KLHL29: variants seen among roughly 807,000 people sequenced by gnomAD.
KLHL29 encodes kelch like family member 29.
Under a neutral mutation model 80.4 loss-of-function variants are expected in KLHL29, and 21 were observed. The ratio of observed to expected loss-of-function variants is 0.26; its 90% CI spans 0.19 to 0.38. The LOEUF (loss-of-function observed/expected upper bound fraction) is 0.38, where lower values mean the gene tolerates loss of function less well. Among genes scored for constraint, KLHL29 ranks in the 10% least tolerant of loss-of-function variants. The pLI is 1.00. For missense variants in KLHL29, 867 were observed against 1,223.9 expected, an observed-to-expected ratio of 0.71 and a Z score of 4.35; for synonymous variants, 511 against 526.8, an observed-to-expected ratio of 0.97 and a Z score of 0.41.
At chr2:23,521,994 C>A (rs914525256) in intron 2 of KLHL29, among the ~76,000 whole-genome samples, 2 of 152,152 alleles carry the variant, frequency 1.3e-5, no homozygotes, top group African/African-American at 4.8e-5. Context: ...GTTAAACTTG[C>A]CATGGTCATT....
chr2:23,593,348 A>G (rs913560601), intron 3 of KLHL29, among the ~76,000 whole-genome samples: 4 of 152,130 alleles, frequency 2.6e-5, no homozygotes, highest in African/African-American at 9.7e-5. Flanking sequence ...GATTTTTCAC[A>G]TTCTTTTCTG....
intron 2 of KLHL29, among the ~76,000 whole-genome samples, chr2:23,533,023 G>A (rs1484950040): frequency 6.6e-6 from 1 of 152,304 alleles, no homozygotes; most frequent in African/African-American, 2.4e-5. Context: ...GGAGCAGAAG[G>A]TGCTGCCTGG....
chr2:23,472,590 C>A (rs980840270), intron 1 of KLHL29, among the ~76,000 whole-genome samples: 1 of 152,128 alleles, frequency 6.6e-6, no homozygotes, highest in East Asian at 1.9e-4. Flanking sequence ...GCCAAGATTG[C>A]GCCACTGCAC....
intron 2 of KLHL29, among the ~76,000 whole-genome samples, chr2:23,539,713 A>G (rs1709335): frequency 0.75 from 113,538 of 151,984 alleles, 43,201 homozygotes; most frequent in East Asian, 0.9. Flanking sequence ...AAGTGCTAGG[A>G]TTGTAGGCAT....
At chr2:23,479,568 TC>T (rs1259975546) in intron 2 of KLHL29, among the ~76,000 whole-genome samples, 1 of 152,116 alleles carries the variant, frequency 6.6e-6, no homozygotes, top group African/African-American at 2.4e-5. Flanking sequence ...TCCCTCTGCT[TC>T]AGCTGTTCCC....
chr2:23,439,573 G>A (rs1663450529), intron 1 of KLHL29, among the ~76,000 whole-genome samples: 1 of 152,090 alleles, frequency 6.6e-6, no homozygotes, highest in South Asian at 2.1e-4. Flanking sequence ...TATGTACCCA[G>A]TAGTCATTCA....
intron 3 of KLHL29, among the ~76,000 whole-genome samples, chr2:23,613,786 A>AAAAAAAAC: frequency 7.2e-6 from 1 of 138,800 alleles, no homozygotes; most frequent in Non-Finnish European, 1.6e-5. Context: ...AAAAAAAAAA[A>AAAAAAAAC]AAAACCCACC....
intron 2 of KLHL29, among the ~76,000 whole-genome samples, chr2:23,556,291 C>A (rs899952270): frequency 6.6e-6 from 1 of 152,048 alleles, no homozygotes; most frequent in Admixed American, 6.5e-5. Context: ...ACGAAGATGA[C>A]CCCCCTCGCG....
At position 23,615,968 on chromosome 2, in the gene KLHL29, G is replaced by A. The variant is rs772417085; in HGVS notation, c.286-23171G>A. ...TCTTTTGGGAATCAGGCTCACTGTG[G>A]CCTCTGGGCTTCCAGTTCTGGTGGC... On this transcript the variant is annotated intron_variant, in intron 3 of 13. Coordinates refer to ENST00000486442, the MANE Select transcript of KLHL29 (RefSeq NM_052920.2). Among the ~76,000 whole-genome samples the A allele has an allele frequency of 6.2e-4, 94 of 152,172 alleles. 1 individual carries two copies. Among genetic ancestry groups the A allele is most frequent in the Non-Finnish European group, 1.1e-3 (76 of 68,030 alleles).
At chr2:23,466,233 G>A (rs150768810) in intron 1 of KLHL29, among the ~76,000 whole-genome samples, 176 of 152,292 alleles carry the variant, frequency 1.2e-3, no homozygotes, top group African/African-American at 4.0e-3. Context: ...GGTAATCTTT[G>A]CCATGCAGGC....
intron 2 of KLHL29, among the ~76,000 whole-genome samples, chr2:23,482,634 C>T (rs1430562880): frequency 6.6e-6 from 1 of 152,236 alleles, no homozygotes; most frequent in East Asian, 1.9e-4. Context: ...GGGATGATCT[C>T]ATTTACTCAT....
chr2:23,591,692 C>A (rs990264501), intron 3 of KLHL29, among the ~76,000 whole-genome samples: 47 of 152,296 alleles, frequency 3.1e-4, no homozygotes, highest in Admixed American at 2.7e-3. Context: ...TAAAACCTCC[C>A]ATGGGTCTCC....
At chr2:23,517,271 G>A (rs112129438) in intron 2 of KLHL29, among the ~76,000 whole-genome samples, 1,679 of 152,338 alleles carry the variant, frequency 0.011, 28 homozygotes, top group African/African-American at 0.039. Context: ...TAGGCTGGGC[G>A]CGGTGGCTCA....
intron 8 of KLHL29, among the ~76,000 whole-genome samples, chr2:23,693,831 GC>G (rs1167693410): frequency 6.6e-6 from 1 of 152,214 alleles, no homozygotes; most frequent in Admixed American, 6.5e-5. Context: ...AGCTGGAGGA[GC>G]CCATACCTGC....
intron 3 of KLHL29, among the ~76,000 whole-genome samples, chr2:23,597,377 GTGTGTGTA>G (rs1239155700): frequency 8.3e-4 from 20 of 24,082 alleles, no homozygotes; most frequent in Admixed American, 1.4e-3. Context: ...ATATATGTGT[GTGTGTGTA>G]TATATATATA....
At chr2:23,703,092 C>T (rs530644234) in intron 11 of KLHL29, 94 bp from the exon 12 acceptor site, 19 of 895,486 alleles carry the variant, frequency 2.1e-5, no homozygotes, top group African/African-American at 1.1e-4. Context: ...ATGCTGAGGG[C>T]GAGGAGCAGA....
rs1178808276 is a variant in KLHL29 at position 23,597,303 on chromosome 2, A to ATGTGTGTGTGTGTGTGTG, written c.285+34823_285+34824insGTGTGTGTGTGTGTGTGT. On this transcript the variant is annotated intron_variant, in intron 3 of 13. Transcript: ENST00000486442. ...ATCTATCTCTCTCTCTCTCATATATATATATATGTGTGTGTGTGTGTGTGT... is the reference window on the plus strand; with the variant it reads ...ATCTATCTCTCTCTCTCTCATATATATGTGTGTGTGTGTGTGTGTATATATGTGTGTGTGTGTGTGTGT... Among the ~76,000 whole-genome samples, 14 of 82,220 alleles carry ATGTGTGTGTGTGTGTGTG rather than the reference A, an allele frequency of 1.7e-4. No homozygotes were observed. In the East Asian group the frequency reaches 4.3e-3, roughly 26 times the overall value. 53.9% of individuals were successfully genotyped at this position (82,220 alleles called of 152,430 possible).
At chr2:23,398,079 T>C (rs996953557) in intron 1 of KLHL29, among the ~76,000 whole-genome samples, 2 of 152,234 alleles carry the variant, frequency 1.3e-5, no homozygotes, top group Non-Finnish European at 2.9e-5. Flanking sequence ...CATAGAATTA[T>C]CATCTGATCC....
intron 3 of KLHL29, among the ~76,000 whole-genome samples, chr2:23,598,280 AAG>A (rs1484114732): frequency 6.6e-6 from 1 of 152,196 alleles, no homozygotes; most frequent in Non-Finnish European, 1.5e-5. Context: ...AGGGTTAGGG[AAG>A]TTCATTTACC....
Sources: gnomAD v4.1 joint callset for allele counts (sites outside exome capture counted in the v4.1 genomes callset) on GRCh38, gnomAD v4.1.1 for gene constraint, MANE v1.5 for transcripts, NCBI Gene and HGNC (gene_info 2026-07-23, HGNC 2026-07-21) for gene names.